SMAD3: variants seen among roughly 807,000 people sequenced by gnomAD.
SMAD3 encodes the protein SMAD family member 3.
SMAD3 carries 12 observed loss-of-function variants against 51.8 expected under a neutral mutation model. The ratio of observed to expected loss-of-function variants is 0.23; its 90% CI spans 0.15 to 0.38. The LOEUF (loss-of-function observed/expected upper bound fraction) is 0.38. Among genes scored for constraint, SMAD3 ranks in the 10% least tolerant of loss-of-function variants. SMAD3 has a pLI of 1.00. For missense variants in SMAD3, 294 were observed against 565.6 expected, an observed-to-expected ratio of 0.52 and a Z score of 4.87; for synonymous variants, 238 against 227.7, an observed-to-expected ratio of 1.05 and a Z score of -0.41.
chr15:67,169,616 C>T (rs947448109), intron 4 of SMAD3, among the ~76,000 whole-genome samples: 51 of 148,296 alleles, frequency 3.4e-4, no homozygotes, highest in Middle Eastern at 3.5e-3. Flanking sequence ...TCACCACTTA[C>T]GGCTTATTTT....
chr15:67,154,491 G>C (rs1447980789), intron 1 of SMAD3, among the ~76,000 whole-genome samples: 1 of 152,194 alleles, frequency 6.6e-6, no homozygotes, highest in Admixed American at 6.5e-5. Context: ...CATGGTCACT[G>C]TGGTAGAACT....
In SMAD3 at chr15:67,183,888, C is replaced by A. The variant is rs1448919681; in HGVS notation, c.872-839C>A. The stretch of plus-strand genomic sequence containing the variant: ...AGGGAAGAAAAAAATAAGGGCATAG[C>A]GTTAAACCATCCCTGCAATAAAGGG... On this transcript the variant is annotated intron_variant, in intron 6 of 8. Transcript: ENST00000327367. Among the ~76,000 whole-genome samples, 3 of 152,096 alleles carry A rather than the reference C, an allele frequency of 2.0e-5. No individual in the cohort carries two copies. In the South Asian group the frequency reaches 6.2e-4, roughly 32 times the overall value.
intron 1 of SMAD3, among the ~76,000 whole-genome samples, chr15:67,093,286 G>A (rs1001376114): frequency 6.6e-6 from 1 of 152,152 alleles, no homozygotes; most frequent in Non-Finnish European, 1.5e-5. Flanking sequence ...GATGATGGAC[G>A]CAAAAACTGC....
At chr15:67,093,824 A>T (rs1185334704) in intron 1 of SMAD3, among the ~76,000 whole-genome samples, 1 of 152,182 alleles carries the variant, frequency 6.6e-6, no homozygotes, top group Non-Finnish European at 1.5e-5. Context: ...GCAGCACCTA[A>T]AAGAAGCCTC....
intron 6 of SMAD3, among the ~76,000 whole-genome samples, chr15:67,183,012 TA>T (rs1326754172): frequency 1.4e-5 from 1 of 72,916 alleles, no homozygotes; most frequent in East Asian, 3.7e-4. Context: ...TATATATATA[TA>T]TATATATATA....
In SMAD3 at chr15:67,192,365, T is replaced by C. The variant is rs1330899230; in HGVS notation, c.*1829T>C. 1.3e-5 allele frequency: 3 copies of C among 232,956 alleles called. No individual in the cohort carries two copies. Among genetic ancestry groups the C allele is most frequent in the Non-Finnish European group, 2.5e-5 (3 of 117,884 alleles). The allele number at this position is 232,956 out of a possible 1,614,324, so 14.4% of individuals were successfully genotyped here. On this transcript the variant is annotated 3_prime_UTR_variant, in exon 9 of 9. Transcript: ENST00000327367. ...TTGTGTGAGTCTTCTCGAAGGAGGG[T>C]TGACTCAGAACCCAGAGACAATACA...
intron 1 of SMAD3, among the ~76,000 whole-genome samples, chr15:67,128,707 G>T (rs1961449246): frequency 6.6e-6 from 1 of 151,958 alleles, no homozygotes; most frequent in Non-Finnish European, 1.5e-5. Context: ...AAGTAGCTGG[G>T]ACTGCAGGTG....
intron 1 of SMAD3, among the ~76,000 whole-genome samples, chr15:67,103,305 A>G (rs1001946258): frequency 1.3e-5 from 2 of 152,236 alleles, no homozygotes; most frequent in Non-Finnish European, 2.9e-5. Flanking sequence ...CACAAGGCAC[A>G]TGGCCTCCTT....
intron 1 of SMAD3, among the ~76,000 whole-genome samples, chr15:67,096,317 A>G (rs1960614811): frequency 6.6e-6 from 1 of 152,226 alleles, no homozygotes; most frequent in Admixed American, 6.5e-5. Context: ...GCGAGAAGTG[A>G]AGTAAAAACG....
At chr15:67,182,999 A>ATT (rs56907200) in intron 6 of SMAD3, among the ~76,000 whole-genome samples, 1 of 50,248 alleles carries the variant, frequency 2.0e-5, no homozygotes, top group East Asian at 7.7e-4. Context: ...AAAAAAAAAA[A>ATT]AATATATATA....
At chr15:67,153,641 C>T (rs1962206953) in intron 1 of SMAD3, among the ~76,000 whole-genome samples, 1 of 152,136 alleles carries the variant, frequency 6.6e-6, no homozygotes, top group Non-Finnish European at 1.5e-5. Flanking sequence ...TCAGTTGTCA[C>T]AGCTGCAGGT....
chr15:67,188,143 TTTTTC>T (rs1245119650), intron 8 of SMAD3, among the ~76,000 whole-genome samples: 1 of 79,498 alleles, frequency 1.3e-5, no homozygotes, highest in Non-Finnish European at 2.7e-5. Flanking sequence ...TTTCTTTTTC[TTTTTC>T]TTTTTTTTTT....
chr15:67,101,043 A>T (rs1405499179), intron 1 of SMAD3, among the ~76,000 whole-genome samples: 1 of 152,140 alleles, frequency 6.6e-6, no homozygotes, highest in East Asian at 1.9e-4. Flanking sequence ...CCCTGAGGTG[A>T]GGCTCAGGAG....
chr15:67,180,832 C>A (rs1389758865), intron 5 of SMAD3, among the ~76,000 whole-genome samples: 1 of 152,142 alleles, frequency 6.6e-6, no homozygotes, highest in Non-Finnish European at 1.5e-5. Flanking sequence ...GCCTGCCCCA[C>A]AGTGAGTACA....
chr15:67,183,427 A>AG (rs397962153), intron 6 of SMAD3, among the ~76,000 whole-genome samples: 3 of 76,542 alleles, frequency 3.9e-5, no homozygotes, highest in Non-Finnish European at 8.9e-5. Flanking sequence ...TCTTACTGAC[A>AG]TGATACAGTT....
chr15:67,079,197 C>T lies in SMAD3; in HGVS notation c.206+12837C>T, dbSNP rs182223645. On this transcript the variant is annotated intron_variant, in intron 1 of 8. Coordinates refer to ENST00000327367, the MANE Select transcript of SMAD3 (RefSeq NM_005902.4). ...TTTTCTATGTTGGTCAGGCTGGTCTCGAACTCCCGACCTCAGGTGATCTGC... is the reference window on the plus strand; with the variant it reads ...TTTTCTATGTTGGTCAGGCTGGTCTTGAACTCCCGACCTCAGGTGATCTGC... Among the ~76,000 whole-genome samples the T allele has an allele frequency of 3.0e-3, 460 of 152,120 alleles. 2 individuals carry two copies. Among genetic ancestry groups the T allele is most frequent in the African/African-American group, 0.01 (424 of 41,482 alleles).
Position 67,177,228 on chromosome 15 carries a change from CCA to C in SMAD3, c.659-4012_659-4011del, listed in dbSNP as rs1481041700. ...CCCATCCACCAACCAGAGCCATAGA[CCA>C]TGTCATGTTCCCTTTTTGTCTTGTC... On this transcript the variant is annotated intron_variant, in intron 5 of 8. Transcript: ENST00000327367. Among the ~76,000 whole-genome samples the C allele has an allele frequency of 1.7e-4, 26 of 152,220 alleles. No individual in the cohort carries two copies. In the East Asian group the frequency reaches 3.5e-3, roughly 20 times the overall value.
At chr15:67,084,078 T>C (rs927633887) in intron 1 of SMAD3, among the ~76,000 whole-genome samples, 21 of 126,826 alleles carry the variant, frequency 1.7e-4, no homozygotes, top group African/African-American at 2.4e-4. Flanking sequence ...TTCTTTTTTT[T>C]TTTTTTTTTT....
chr15:67,113,076 G>GTGTATATATA (rs763595789), intron 1 of SMAD3, among the ~76,000 whole-genome samples: 12,870 of 34,780 alleles, frequency 0.37, 2,656 homozygotes, highest in South Asian at 0.47. Flanking sequence ...ATATATATGT[G>GTGTATATATA]TATATATATA....
Sources: gnomAD v4.1 joint callset for allele counts (sites outside exome capture counted in the v4.1 genomes callset) on GRCh38, gnomAD v4.1.1 for gene constraint, MANE v1.5 for transcripts, NCBI Gene and HGNC (gene_info 2026-07-23, HGNC 2026-07-21) for gene names.